The following MYLK variants were observed in gnomAD, a reference collection of about 807,000 sequenced individuals.
MYLK encodes the protein myosin light chain kinase, smooth muscle.
In MYLK, 106 loss-of-function variants were observed where a neutral mutation model predicts 203.4. The observed-to-expected ratio is 0.52, with a 90% CI of 0.45 to 0.61. MYLK has a LOEUF of 0.61. Among genes scored for constraint, MYLK ranks in the 20% least tolerant of loss-of-function variants. MYLK has a pLI of 0.00. For missense variants in MYLK, 2,072 were observed against 2,442.3 expected, an observed-to-expected ratio of 0.85 and a Z score of 3.20; for synonymous variants, 867 against 959.5, an observed-to-expected ratio of 0.90 and a Z score of 1.78.
intron 8 of MYLK, among the ~76,000 whole-genome samples, chr3:123,736,103 T>C (rs1166888142): frequency 6.6e-6 from 1 of 152,214 alleles, no homozygotes; most frequent in East Asian, 1.9e-4. Flanking sequence ...CATCTCCTTA[T>C]TCAGCAGTGA....
intron 8 of MYLK, 101 bp downstream of exon 8, chr3:123,737,277 A>T: frequency 6.9e-7 from 1 of 1,450,020 alleles, no homozygotes; most frequent in Non-Finnish European, 9.7e-7. Context: ...TGAGTGGGCC[A>T]GGTGTATACA....
intron 18 of MYLK, among the ~76,000 whole-genome samples, chr3:123,699,139 C>A (rs1361226178): frequency 6.6e-6 from 1 of 152,092 alleles, no homozygotes; most frequent in Non-Finnish European, 1.5e-5. Flanking sequence ...CCGCTGGCTG[C>A]CAGAATGGGG....
rs964672418 is a variant in MYLK, at chr3:123,671,298, A to C, written c.3653-4111T>G. On this transcript the variant is annotated intron_variant, in intron 20 of 33. Coordinates refer to ENST00000360304, the MANE Select transcript of MYLK (RefSeq NM_053025.4). ...GGAAGTTTGTGGAGACTGGAAGTGA[A>C]AGATTCCAGAATTAAAGAAGCCATT... Among the ~76,000 whole-genome samples, 6 of 152,262 alleles carry C rather than the reference A, an allele frequency of 3.9e-5. No homozygotes were observed. In the East Asian group the frequency reaches 1.2e-3, roughly 29 times the overall value.
At chr3:123,696,798 GC>G (rs2060947955) in intron 18 of MYLK, among the ~76,000 whole-genome samples, 1 of 152,214 alleles carries the variant, frequency 6.6e-6, no homozygotes, top group Non-Finnish European at 1.5e-5. Context: ...CCTAAACTGA[GC>G]TTCATGTACA....
chr3:123,708,998 ACT>A, intron 14 of MYLK, 103 bp from the exon 15 acceptor site: 2 of 934,126 alleles, frequency 2.1e-6, no homozygotes, highest in East Asian at 2.5e-5. Context: ...CACTCCAACA[ACT>A]CTCTATGCTT....
chr3:123,734,049 G>A lies in MYLK; in HGVS notation c.947C>T (p.Pro316Leu). ...TGACTCCAGCTTGGACTCCCTTGGGGGCTGAGGCTGGCTGTTTGCAGCCCA... is the reference window on the plus strand; with the variant it reads ...TGACTCCAGCTTGGACTCCCTTGGGAGCTGAGGCTGGCTGTTTGCAGCCCA... ...PPWAANSQPQ[P>L]PRESKLESCK... The change falls in exon 10 of 34, where the codon CCC becomes CTC. Residue 316 changes from proline (P) to leucine (L), a missense_variant. Physicochemically the swap from Pro to Leu is moderately conservative, Grantham distance 98 (BLOSUM62 -3). Transcript: ENST00000360304. 6.2e-7 allele frequency: 1 copy of A among 1,614,008 alleles called. No homozygotes were observed. Among genetic ancestry groups the A allele is most frequent in the African/African-American group, 1.3e-5 (1 of 75,074 alleles).
At chr3:123,857,316 T>C (rs1185947215) in intron 2 of MYLK, among the ~76,000 whole-genome samples, 18 of 152,114 alleles carry the variant, frequency 1.2e-4, no homozygotes, top group Non-Finnish European at 2.4e-4. Context: ...CAAAGGACTA[T>C]AAATCATGCT....
At position 123,613,244 on chromosome 3, in the gene MYLK, T is replaced by TCAAA. The variant is rs886057845; in HGVS notation, c.*857_*860dup. The TCAAA allele has an allele frequency of 6.6e-6, 1 of 152,194 alleles. No homozygotes were observed. The highest frequency in any genetic ancestry group is 1.5e-5 in the Non-Finnish European group (1 of 68,038). The allele number at this position is 152,194 out of a possible 1,614,324, so 9.4% of individuals were successfully genotyped here. ...TTCAGCAAACTGATTTCTCCTATAT[T>TCAAA]CAAACACAAAAATCTTTACCACACG... is the stretch of plus-strand genomic sequence containing the variant. On this transcript the variant is annotated 3_prime_UTR_variant, in exon 34 of 34. Coordinates refer to ENST00000360304, the MANE Select transcript of MYLK (RefSeq NM_053025.4).
chr3:123,827,053 AG>A (rs2066143442), intron 3 of MYLK, among the ~76,000 whole-genome samples: 1 of 152,260 alleles, frequency 6.6e-6, no homozygotes, highest in African/African-American at 2.4e-5. Context: ...GTAATTATCC[AG>A]TAACAGAATC....
At chr3:123,713,099 G>A (rs1438046733) in intron 13 of MYLK, among the ~76,000 whole-genome samples, 1 of 152,188 alleles carries the variant, frequency 6.6e-6, no homozygotes, top group East Asian at 1.9e-4. Flanking sequence ...TCCAGGAGAT[G>A]AGTGAGTGAA....
intron 2 of MYLK, among the ~76,000 whole-genome samples, chr3:123,867,775 C>A (rs2032438634): frequency 6.6e-6 from 1 of 152,218 alleles, no homozygotes; most frequent in Admixed American, 6.5e-5. Flanking sequence ...AATGCATACA[C>A]TCTCCTACAT....
intron 30 of MYLK, among the ~76,000 whole-genome samples, chr3:123,628,620 C>A (rs553787480): frequency 1.4e-3 from 212 of 152,318 alleles, no homozygotes; most frequent in African/African-American, 4.9e-3. Context: ...TGCTCCCTTT[C>A]CCTGGGCAGC....
chr3:123,707,145 G>A (rs376598697), intron 16 of MYLK, among the ~76,000 whole-genome samples: 5 of 152,166 alleles, frequency 3.3e-5, no homozygotes, highest in African/African-American at 4.8e-5. Flanking sequence ...GGTCCACAAC[G>A]CAAGGAGCTG....
intron 2 of MYLK, among the ~76,000 whole-genome samples, chr3:123,841,518 T>C (rs1187686751): frequency 1.3e-5 from 2 of 152,176 alleles, no homozygotes; most frequent in Non-Finnish European, 2.9e-5. Flanking sequence ...AGCTTAGTCC[T>C]TGCCTCATTA....
At chr3:123,661,667 G>A (rs1014975719) in intron 23 of MYLK, among the ~76,000 whole-genome samples, 4 of 152,166 alleles carry the variant, frequency 2.6e-5, no homozygotes, top group East Asian at 1.9e-4. Flanking sequence ...ACAGGGTGAC[G>A]GACACTGAGA....
chr3:123,748,433 C>T (rs1229960789), intron 5 of MYLK, among the ~76,000 whole-genome samples: 1 of 152,176 alleles, frequency 6.6e-6, no homozygotes, highest in Non-Finnish European at 1.5e-5. Flanking sequence ...TCTTTTTGTT[C>T]TGTGTAAACC....
chr3:123,807,060 G>A lies in MYLK; in HGVS notation c.-3-13216C>T, dbSNP rs114048064. ...TGCCTAAGGTCATATAGTTCATAAA[G>A]CAGTACTGGAATCCAGTCCTTCTGA... On this transcript the variant is annotated intron_variant, in intron 3 of 33. Coordinates refer to ENST00000360304, the MANE Select transcript of MYLK (RefSeq NM_053025.4). Among the ~76,000 whole-genome samples the A allele has an allele frequency of 6.1e-3, 934 of 152,288 alleles. 11 individuals are homozygous for A. Among genetic ancestry groups the A allele is most frequent in the African/African-American group, 0.022 (901 of 41,562 alleles).
intron 4 of MYLK, among the ~76,000 whole-genome samples, chr3:123,780,854 G>A (rs2064270216): frequency 6.6e-6 from 1 of 152,170 alleles, no homozygotes; most frequent in Non-Finnish European, 1.5e-5. Flanking sequence ...AGATTGTCTA[G>A]AGGCTCACAT....
In MYLK at chr3:123,735,380, C is replaced by T. The variant is rs2062638559; in HGVS notation, c.773+18G>A. 3 of 1,613,882 alleles carry T rather than the reference C, an allele frequency of 1.9e-6. No individual in the cohort carries two copies. In the African/African-American group the frequency reaches 4.0e-5, roughly 22 times the overall value. On this transcript the variant is annotated intron_variant, in intron 9 of 33. Transcript: ENST00000360304. ...ATTTCAAGAGGGAAAACGTAAAAGT[C>T]ACAAAGCCTAGACATACCTATTGGC...
Sources: allele counts gnomAD v4.1 joint callset (sites outside exome capture counted in the v4.1 genomes callset), GRCh38; gene constraint gnomAD v4.1.1; transcripts MANE v1.5; gene names NCBI Gene and HGNC (gene_info 2026-07-23, HGNC 2026-07-21).